The following SPATS2L variants were observed in gnomAD, a reference collection of about 807,000 sequenced individuals.
The protein encoded by SPATS2L is spermatogenesis associated serine rich 2 like.
Under a neutral mutation model 59.6 loss-of-function variants are expected in SPATS2L, and 30 were observed. The ratio of observed to expected loss-of-function variants is 0.50; its 90% CI spans 0.38 to 0.68. SPATS2L has a LOEUF of 0.68. Among genes scored for constraint, SPATS2L ranks in the 30% least tolerant of loss-of-function variants. The probability of loss-of-function intolerance (pLI) is 0.00; values close to 1 mark genes in which losing one functional copy is unlikely to be tolerated. For synonymous variants in SPATS2L, 252 were observed against 263.5 expected, an observed-to-expected ratio of 0.96 and a Z score of 0.42; for missense variants, 615 against 700.0, an observed-to-expected ratio of 0.88 and a Z score of 1.37.
At chr2:200,476,983 C>T (rs536945566) in intron 12 of SPATS2L, among the ~76,000 whole-genome samples, 2 of 152,280 alleles carry the variant, frequency 1.3e-5, no homozygotes, top group African/African-American at 4.8e-5. Context: ...TCAAGCAGTC[C>T]CGCTAAAGTC....
At chr2:200,408,863 C>CA (rs1250550279) in intron 3 of SPATS2L, among the ~76,000 whole-genome samples, 3 of 152,230 alleles carry the variant, frequency 2.0e-5, no homozygotes, top group Non-Finnish European at 4.4e-5. Context: ...GAGGGGGCAT[C>CA]AAAACATCAT....
At chr2:200,332,670 A>G (rs1053856280) in intron 2 of SPATS2L, among the ~76,000 whole-genome samples, 5 of 152,054 alleles carry the variant, frequency 3.3e-5, no homozygotes, top group Admixed American at 6.6e-5. Context: ...TCATAGCTTC[A>G]TAAGAGTTAG....
At chr2:200,440,352 G>C (rs2084611492) in intron 7 of SPATS2L, among the ~76,000 whole-genome samples, 1 of 152,194 alleles carries the variant, frequency 6.6e-6, no homozygotes, top group Non-Finnish European at 1.5e-5. Context: ...AGACGTATCA[G>C]ATTCTAAGGC....
chr2:200,408,615 C>T (rs1432808031), intron 3 of SPATS2L, among the ~76,000 whole-genome samples: 3 of 152,196 alleles, frequency 2.0e-5, no homozygotes, highest in Non-Finnish European at 4.4e-5. Context: ...TCAAAAGATG[C>T]ACAGTATGAA....
chr2:200,467,499 A>G (rs1177448506), intron 10 of SPATS2L, 100 bp downstream of exon 10: 2 of 773,728 alleles, frequency 2.6e-6, no homozygotes, highest in East Asian at 2.7e-5. Context: ...AGGATCTAAC[A>G]TGTACACCCA....
intron 8 of SPATS2L, among the ~76,000 whole-genome samples, chr2:200,454,028 G>A (rs1001080563): frequency 3.9e-5 from 6 of 152,104 alleles, no homozygotes; most frequent in South Asian, 2.1e-4. Context: ...TTGGCTTGGC[G>A]AATGATGAGT....
chr2:200,351,847 C>T (rs539002963), intron 2 of SPATS2L, among the ~76,000 whole-genome samples: 16 of 152,250 alleles, frequency 1.1e-4, no homozygotes, highest in South Asian at 6.2e-4. Context: ...CTCCTTGACA[C>T]GGCTCTTTAA....
intron 10 of SPATS2L, 117 bp downstream of exon 10, chr2:200,467,516 TTCCACAGG>T: frequency 1.5e-6 from 1 of 689,390 alleles, no homozygotes; most frequent in Non-Finnish European, 2.6e-6. Context: ...CCCAGCTCTC[TTCCACAGG>T]GTGGAAATAG....
At chr2:200,459,720 C>T in intron 8 of SPATS2L, 49 bp from the exon 9 acceptor site, 1 of 1,417,150 alleles carries the variant, frequency 7.1e-7, no homozygotes, top group East Asian at 2.3e-5. Flanking sequence ...AAAAGTTTAT[C>T]TTTGATTAAG....
At position 200,479,348 on chromosome 2, in the gene SPATS2L, T is replaced by C. The variant is rs1024868064; in HGVS notation, c.*1317T>C. ...GGAGAGAAGTTATCCTAGTAGCTTC[T>C]ACACAGAGCAAGTGTCTTTCTCAGA... On this transcript the variant is annotated 3_prime_UTR_variant, in exon 13 of 13. Transcript: ENST00000409140. The C allele has an allele frequency of 1.8e-5, 7 of 391,582 alleles. No homozygotes were observed. Among genetic ancestry groups the C allele is most frequent in the Non-Finnish European group, 2.3e-5 (5 of 222,108 alleles). The allele number at this position is 391,582 out of a possible 1,614,324, so 24.3% of individuals were successfully genotyped here.
chr2:200,324,145 A>C (rs571207641), intron 1 of SPATS2L, among the ~76,000 whole-genome samples: 14 of 152,176 alleles, frequency 9.2e-5, no homozygotes, highest in Non-Finnish European at 1.9e-4. Context: ...CCTCCCATAC[A>C]GTCACTGTGG....
chr2:200,308,769 A>G (rs2079105783), intron 1 of SPATS2L: 1 of 415,558 alleles, frequency 2.4e-6, no homozygotes, highest in Non-Finnish European at 4.3e-6. Context: ...TTAATTGGCA[A>G]TTTTCTTTCT....
At chr2:200,343,970 T>C (rs2080419644) in intron 2 of SPATS2L, among the ~76,000 whole-genome samples, 1 of 152,072 alleles carries the variant, frequency 6.6e-6, no homozygotes, top group Non-Finnish European at 1.5e-5. Flanking sequence ...ATTTTATCTA[T>C]GTCTTTTAAT....
intron 3 of SPATS2L, among the ~76,000 whole-genome samples, chr2:200,407,982 A>G (rs10497860): frequency 0.37 from 55,651 of 152,088 alleles, 11,446 homozygotes; most frequent in Non-Finnish European, 0.46. Context: ...TTATCCAAAA[A>G]TGGCCAAGAT....
In SPATS2L at chr2:200,430,438, A is replaced by G. The variant is rs180868221; in HGVS notation, c.446-8684A>G. On this transcript the variant is annotated intron_variant, in intron 6 of 12. Transcript: ENST00000409140. ...TTTGAAAATTCAGTAAGGTTTGAGG[A>G]AAAAAAAAAGGAAACAATCCTGCCC... Among the ~76,000 whole-genome samples, 118 of 147,442 alleles carry G rather than the reference A, an allele frequency of 8.0e-4. 2 individuals are homozygous for G. Among genetic ancestry groups the G allele is most frequent in the Middle Eastern group, 6.9e-3 (2 of 290 alleles).
intron 2 of SPATS2L, among the ~76,000 whole-genome samples, chr2:200,380,068 T>C (rs1057412200): frequency 6.6e-6 from 1 of 152,134 alleles, no homozygotes; most frequent in South Asian, 2.1e-4. Context: ...CAGAGACCTA[T>C]GAAATGAAAT....
At chr2:200,460,411 C>G (rs1331242943) in intron 9 of SPATS2L, among the ~76,000 whole-genome samples, 1 of 152,134 alleles carries the variant, frequency 6.6e-6, no homozygotes, top group African/African-American at 2.4e-5. Flanking sequence ...ACAAACCTAA[C>G]AAGCAAAGTG....
chr2:200,426,351 T>C (rs2083581450), intron 6 of SPATS2L, among the ~76,000 whole-genome samples: 1 of 152,136 alleles, frequency 6.6e-6, no homozygotes, highest in Non-Finnish European at 1.5e-5. Flanking sequence ...CGGCCTTTAC[T>C]ATTTTTTGTT....
chr2:200,437,657 T>C (rs921816097), intron 6 of SPATS2L, among the ~76,000 whole-genome samples: 1 of 152,222 alleles, frequency 6.6e-6, no homozygotes, highest in African/African-American at 2.4e-5. Context: ...CTACCTTTGC[T>C]GAACATTTTG....
Sources: gnomAD v4.1 joint callset for allele counts (sites outside exome capture counted in the v4.1 genomes callset) on GRCh38, gnomAD v4.1.1 for gene constraint, MANE v1.5 for transcripts, NCBI Gene and HGNC (gene_info 2026-07-23, HGNC 2026-07-21) for gene names.